The following DKK2 variants were observed in gnomAD, a reference collection of about 807,000 sequenced individuals.
The protein encoded by DKK2 is dickkopf Wnt signaling pathway inhibitor 2, also known as dickkopf-related protein 2.
A neutral mutation model predicts 28.1 loss-of-function variants in DKK2; 11 were observed. That is an observed-to-expected ratio of 0.39 (90% confidence interval 0.25 to 0.65). DKK2 has a LOEUF of 0.65. Among genes scored for constraint, DKK2 ranks in the 30% least tolerant of loss-of-function variants. The pLI is 0.47. For synonymous variants in DKK2, 135 were observed against 126.5 expected (o/e 1.07, Z -0.45); for missense variants, 326 against 335.5 (o/e 0.97, Z 0.22).
At chr4:107,027,814 C>G (rs1025093691) in intron 1 of DKK2, among the ~76,000 whole-genome samples, 7 of 146,104 alleles carry the variant, frequency 4.8e-5, no homozygotes, top group Non-Finnish European at 1.0e-4. Context: ...TACAGTGGCG[C>G]GATCTCGGCT....
At chr4:106,953,319 T>C (rs1000428023) in intron 1 of DKK2, among the ~76,000 whole-genome samples, 1 of 152,184 alleles carries the variant, frequency 6.6e-6, no homozygotes, top group African/African-American at 2.4e-5. Context: ...GATTTCACCT[T>C]TCTCTATAGA....
chr4:106,973,001 G>A (rs537572979), intron 1 of DKK2, among the ~76,000 whole-genome samples: 2 of 152,168 alleles, frequency 1.3e-5, no homozygotes, highest in South Asian at 4.1e-4. Context: ...TTTGTTTTCT[G>A]TTCCTGTGTT....
chr4:106,935,764 G>A (rs1029940373), intron 1 of DKK2, among the ~76,000 whole-genome samples: 2 of 152,212 alleles, frequency 1.3e-5, no homozygotes, highest in South Asian at 4.1e-4. Flanking sequence ...CGCAGCTGGA[G>A]ATCTGAGAAT....
intron 1 of DKK2, among the ~76,000 whole-genome samples, chr4:106,948,204 C>A (rs996175080): frequency 6.6e-6 from 1 of 152,026 alleles, no homozygotes; most frequent in Non-Finnish European, 1.5e-5. Context: ...AATTCTCTAC[C>A]AGACCAGAGG....
intron 1 of DKK2, among the ~76,000 whole-genome samples, chr4:106,933,509 TGTGGACTC>T (rs1355652896): frequency 6.6e-6 from 1 of 152,208 alleles, no homozygotes. Context: ...AGGAACGCTG[TGTGGACTC>T]AGAGCTGTCA....
chr4:106,926,103 A>T (rs538410674), intron 1 of DKK2, among the ~76,000 whole-genome samples, 154 bp from the exon 2 acceptor site: 14 of 152,266 alleles, frequency 9.2e-5, no homozygotes, highest in African/African-American at 3.4e-4. Context: ...CCTAGAGCCT[A>T]AGTAGTCACA....
intron 1 of DKK2, among the ~76,000 whole-genome samples, chr4:106,985,250 A>T (rs1723099587): frequency 6.6e-6 from 1 of 151,354 alleles, no homozygotes; most frequent in Non-Finnish European, 1.5e-5. Flanking sequence ...GTAGTGTTCC[A>T]TTTCCATAAC....
At chr4:106,924,513 T>TA (rs200275573) in intron 3 of DKK2, 32 bp downstream of exon 3, 56,180 of 1,585,722 alleles carry the variant, frequency 0.035, 1,191 homozygotes, top group Non-Finnish European at 0.041. Context: ...TTCTTTATTT[T>TA]AAAAAAACCC....
chr4:106,971,936 T>G (rs1722873185), intron 1 of DKK2, among the ~76,000 whole-genome samples: 2 of 152,060 alleles, frequency 1.3e-5, no homozygotes, highest in African/African-American at 4.8e-5. Context: ...CTTTTTCCAC[T>G]CCTGAAAATA....
chr4:106,945,747 G>A (rs1306277197), intron 1 of DKK2, among the ~76,000 whole-genome samples: 1 of 152,126 alleles, frequency 6.6e-6, no homozygotes, highest in African/African-American at 2.4e-5. Flanking sequence ...TCAAAAATGT[G>A]TTTCCAGTGA....
At chr4:106,935,890 C>A (rs1024204645) in intron 1 of DKK2, among the ~76,000 whole-genome samples, 3 of 152,140 alleles carry the variant, frequency 2.0e-5, no homozygotes, top group Non-Finnish European at 2.9e-5. Flanking sequence ...TTCCAACAGA[C>A]CTGCAGCTGA....
chr4:106,924,256 A>G (rs1328036813), intron 3 of DKK2, 52 bp from the exon 4 acceptor site: 2 of 1,582,946 alleles, frequency 1.3e-6, no homozygotes, highest in African/African-American at 2.7e-5. Flanking sequence ...GAAAAAAAAA[A>G]TTCTATTTTG....
chr4:107,012,403 G>A (rs1723529530), intron 1 of DKK2, among the ~76,000 whole-genome samples: 1 of 151,236 alleles, frequency 6.6e-6, no homozygotes, highest in Admixed American at 6.6e-5. Context: ...TTCATTAAAA[G>A]CAATTTCATC....
intron 1 of DKK2, among the ~76,000 whole-genome samples, chr4:107,020,815 A>G (rs1365787937): frequency 1.3e-5 from 2 of 152,030 alleles, no homozygotes; most frequent in East Asian, 3.9e-4. Flanking sequence ...TTGCACATGA[A>G]GTAACATGTG....
chr4:107,029,534 T>C lies in DKK2; in HGVS notation c.222+5836A>G, dbSNP rs191340309. 5.6e-3 allele frequency among the ~76,000 whole-genome samples: 847 copies of C among 152,288 alleles called. 6 individuals carry two copies. Among genetic ancestry groups the C allele is most frequent in the Non-Finnish European group, 6.9e-3 (469 of 68,006 alleles). ...AGTGAATAATCAATTAATGGTACCC[T>C]TTATTATAAGTTATTGTGTGCCGTA... On this transcript the variant is annotated intron_variant, in intron 1 of 3. Coordinates refer to ENST00000285311, the MANE Select transcript of DKK2 (RefSeq NM_014421.3).
At chr4:107,026,010 A>C (rs1723773439) in intron 1 of DKK2, among the ~76,000 whole-genome samples, 1 of 152,214 alleles carries the variant, frequency 6.6e-6, no homozygotes, top group African/African-American at 2.4e-5. Flanking sequence ...TTTCTTTGTC[A>C]GAGGCATTGA....
intron 1 of DKK2, among the ~76,000 whole-genome samples, chr4:107,005,233 C>G (rs1456005615): frequency 6.6e-6 from 1 of 151,122 alleles, no homozygotes; most frequent in Non-Finnish European, 1.5e-5. Flanking sequence ...CCCAGCTACT[C>G]CGGAGGCTGA....
intron 1 of DKK2, among the ~76,000 whole-genome samples, chr4:106,949,235 T>C (rs1370690012): frequency 6.6e-6 from 1 of 152,178 alleles, no homozygotes; most frequent in Admixed American, 6.6e-5. Flanking sequence ...TTAATCTTCT[T>C]TCTTCCTTTG....
At chr4:106,943,955 T>A (rs1044143445) in intron 1 of DKK2, among the ~76,000 whole-genome samples, 22 of 152,094 alleles carry the variant, frequency 1.4e-4, no homozygotes, top group Non-Finnish European at 1.5e-5. Flanking sequence ...AAACAATTAT[T>A]TCTAAGTTGT....
Sources: gnomAD v4.1 joint callset for allele counts (sites outside exome capture counted in the v4.1 genomes callset) on GRCh38, gnomAD v4.1.1 for gene constraint, MANE v1.5 for transcripts, NCBI Gene and HGNC (gene_info 2026-07-23, HGNC 2026-07-21) for gene names.